LINGO2: variants seen among roughly 807,000 people sequenced by gnomAD.
LINGO2 encodes leucine-rich repeat and immunoglobulin-like domain-containing nogo receptor-interacting protein 2.
LINGO2 carries 14 observed loss-of-function variants against 30.6 expected under a neutral mutation model. The ratio of observed to expected loss-of-function variants is 0.46; its 90% CI spans 0.30 to 0.72. The LOEUF is 0.72. LINGO2 is among the 30% of genes least tolerant of loss of function. The pLI, the probability that LINGO2 is intolerant of heterozygous loss-of-function variation, is 0.07. For synonymous variants in LINGO2, 317 were observed against 288.5 expected (o/e 1.10, Z -1.00); for missense variants, 729 against 751.7 (o/e 0.97, Z 0.35).
At chr9:28,991,322 A>T in the LINGO2 span, among the ~76,000 whole-genome samples, 1 of 151,598 alleles carries the variant, frequency 6.6e-6, no homozygotes, top group African/African-American at 2.4e-5. Flanking sequence ...AGAAAAAAGA[A>T]TAAAAAGAAA....
intron 4 of LINGO2, among the ~76,000 whole-genome samples, chr9:28,278,930 G>A (rs1823225699): frequency 6.6e-6 from 1 of 152,134 alleles, no homozygotes; most frequent in Non-Finnish European, 1.5e-5. Context: ...ATGTCATAAA[G>A]AACATTCATT....
At chr9:28,348,430 G>C (rs980731906) in intron 3 of LINGO2, among the ~76,000 whole-genome samples, 1 of 151,960 alleles carries the variant, frequency 6.6e-6, no homozygotes, top group Non-Finnish European at 1.5e-5. Context: ...AGAATACTGC[G>C]CTTTTCTGAC....
At chr9:27,988,317 C>A (rs548044610) in intron 5 of LINGO2, among the ~76,000 whole-genome samples, 2 of 152,104 alleles carry the variant, frequency 1.3e-5, no homozygotes, top group African/African-American at 4.8e-5. Flanking sequence ...CATATGTGTG[C>A]ATGTGTCTTT....
chr9:28,806,365 T>G, the LINGO2 span, among the ~76,000 whole-genome samples: 1 of 152,214 alleles, frequency 6.6e-6, no homozygotes, highest in Non-Finnish European at 1.5e-5. Context: ...GTGTATTTAC[T>G]GTCAAGGTCC....
Position 28,079,781 on chromosome 9 carries a change from C to G in LINGO2, c.-86-67376G>C, listed in dbSNP as rs377609911. 3.9e-5 allele frequency among the ~76,000 whole-genome samples: 6 copies of G among 152,308 alleles called. No homozygotes were observed. In the East Asian group the frequency reaches 9.7e-4, roughly 25 times the overall value. On this transcript the variant is annotated intron_variant, in intron 4 of 5. Coordinates refer to ENST00000379992, the Ensembl canonical transcript of LINGO2. Reference sequence around the variant, plus strand: ...AACTTCCAAATGCACATCTCCATCTCTGATCTCTAGCTTCCTTTGTCCTGC... The same window carrying G: ...AACTTCCAAATGCACATCTCCATCTGTGATCTCTAGCTTCCTTTGTCCTGC...
chr9:29,000,953 A>G, the LINGO2 span, among the ~76,000 whole-genome samples: 1 of 152,002 alleles, frequency 6.6e-6, no homozygotes, highest in Non-Finnish European at 1.5e-5. Context: ...CAATTTAAGG[A>G]ATAATATCAG....
At chr9:28,497,415 T>G (rs1819677787) in intron 1 of LINGO2, among the ~76,000 whole-genome samples, 1 of 152,210 alleles carries the variant, frequency 6.6e-6, no homozygotes, top group African/African-American at 2.4e-5. Context: ...CATTTGATCT[T>G]GAATCACTGA....
intron 4 of LINGO2, among the ~76,000 whole-genome samples, chr9:28,271,678 C>T (rs1272691648): frequency 6.6e-6 from 1 of 152,070 alleles, no homozygotes; most frequent in Non-Finnish European, 1.5e-5. Context: ...AAGGAAAAGC[C>T]TTCATGTGGT....
the LINGO2 span, among the ~76,000 whole-genome samples, chr9:29,080,529 T>C: frequency 6.6e-6 from 1 of 152,148 alleles, no homozygotes; most frequent in Admixed American, 6.6e-5. Flanking sequence ...CTTTCAATTG[T>C]GATGTTAGCG....
chr9:28,855,365 G>C, the LINGO2 span, among the ~76,000 whole-genome samples: 2 of 151,952 alleles, frequency 1.3e-5, no homozygotes, highest in African/African-American at 2.4e-5. Flanking sequence ...AATGAAAGAA[G>C]TGGCAGCAGA....
chr9:28,609,953 T>C (rs1328204975), intron 1 of LINGO2, among the ~76,000 whole-genome samples: 2 of 152,138 alleles, frequency 1.3e-5, no homozygotes. Flanking sequence ...GAAAGACATA[T>C]TATCATGTAT....
At chr9:28,953,831 A>G in the LINGO2 span, among the ~76,000 whole-genome samples, 1 of 152,152 alleles carries the variant, frequency 6.6e-6, no homozygotes, top group Non-Finnish European at 1.5e-5. Context: ...CAAATCAAAT[A>G]ACTTTTCATA....
chr9:29,031,087 C>T, the LINGO2 span, among the ~76,000 whole-genome samples: 1 of 151,888 alleles, frequency 6.6e-6, no homozygotes, highest in African/African-American at 2.4e-5. Flanking sequence ...ACCATGAATC[C>T]TGGTTGTCAT....
the LINGO2 span, among the ~76,000 whole-genome samples, chr9:28,877,996 T>C: frequency 6.6e-6 from 1 of 152,116 alleles, no homozygotes. Flanking sequence ...TCCTAGGTAT[T>C]TTATTCTCTT....
chr9:28,834,842 C>CA, the LINGO2 span, among the ~76,000 whole-genome samples: 2 of 152,210 alleles, frequency 1.3e-5, no homozygotes, highest in African/African-American at 4.8e-5. Context: ...GTAGGTGAAT[C>CA]ACTTGACTTC....
chr9:29,048,975 C>T, the LINGO2 span, among the ~76,000 whole-genome samples: 8 of 152,022 alleles, frequency 5.3e-5, no homozygotes, highest in African/African-American at 1.9e-4. Flanking sequence ...GGAATCACAT[C>T]AAGTGAAAAA....
chr9:29,045,583 TA>T, the LINGO2 span, among the ~76,000 whole-genome samples: 7,313 of 144,094 alleles, frequency 0.051, 242 homozygotes, highest in Admixed American at 0.089. Flanking sequence ...CCTTCATGAT[TA>T]AAAAAAAAAA....
chr9:28,163,126 C>A (rs1198740357), intron 4 of LINGO2, among the ~76,000 whole-genome samples: 1 of 152,070 alleles, frequency 6.6e-6, no homozygotes, highest in African/African-American at 2.4e-5. Context: ...AAAACAACTC[C>A]AGCAGGAGTG....
chr9:28,239,139 C>T (rs1821686157), intron 4 of LINGO2, among the ~76,000 whole-genome samples: 1 of 151,978 alleles, frequency 6.6e-6, no homozygotes. Context: ...AAAATCAAAT[C>T]TGTAATAAAA....
Sources: gnomAD v4.1 joint callset for allele counts (sites outside exome capture counted in the v4.1 genomes callset) on GRCh38, gnomAD v4.1.1 for gene constraint, MANE v1.5 for transcripts, NCBI Gene and HGNC (gene_info 2026-07-23, HGNC 2026-07-21) for gene names.